ZC3H12B: variants seen among roughly 807,000 people sequenced by gnomAD.
ZC3H12B encodes the protein probable ribonuclease ZC3H12B.
In ZC3H12B, 7 loss-of-function variants were observed where a neutral mutation model predicts 43.9. The ratio of observed to expected loss-of-function variants is 0.16; its 90% CI spans 0.09 to 0.30. The LOEUF is 0.30. Among genes scored for constraint, ZC3H12B ranks in the 10% least tolerant of loss-of-function variants. ZC3H12B has a pLI of 1.00. For synonymous variants in ZC3H12B, 222 were observed against 241.7 expected, an observed-to-expected ratio of 0.92 and a Z score of 0.76; for missense variants, 475 against 670.2, an observed-to-expected ratio of 0.71 and a Z score of 3.22.
chrX:65,405,517 G>A (rs2066811334), intron 3 of ZC3H12B, among the ~76,000 whole-genome samples: 1 of 111,205 alleles, frequency 9.0e-6, no homozygotes, highest in African/African-American at 3.3e-5. Context: ...CTACTCTGCA[G>A]GCTGAGGCAA....
chrX:65,494,921 C>A (rs2068257834), intron 1 of ZC3H12B, among the ~76,000 whole-genome samples: 1 of 111,743 alleles, frequency 8.9e-6, no homozygotes, highest in African/African-American at 3.2e-5. Flanking sequence ...CACTGCAGAG[C>A]CAAATGAAAT....
chrX:65,316,817 G>T, the ZC3H12B span, among the ~76,000 whole-genome samples: 7 of 111,360 alleles, frequency 6.3e-5, no homozygotes, highest in Admixed American at 5.7e-4. Context: ...GAAAGTAAAA[G>T]GGCTAAATAA....
chrX:65,230,392 G>C, the ZC3H12B span, among the ~76,000 whole-genome samples: 1 of 109,085 alleles, frequency 9.2e-6, no homozygotes, highest in Non-Finnish European at 1.9e-5. Context: ...TGTGGGATGG[G>C]GGGAAGGGGG....
chrX:65,102,726 A>G, the ZC3H12B span, among the ~76,000 whole-genome samples: 1 of 111,946 alleles, frequency 8.9e-6, no homozygotes, highest in African/African-American at 3.2e-5. Flanking sequence ...CTTCTCAAGT[A>G]TCAGGGGAAC....
intron 3 of ZC3H12B, among the ~76,000 whole-genome samples, chrX:65,425,968 C>A (rs1437393017): frequency 1.8e-5 from 2 of 111,067 alleles, no homozygotes; most frequent in African/African-American, 6.5e-5. Flanking sequence ...ATGATGTTGA[C>A]CTCATAGAAT....
chrX:65,340,857 A>T, the ZC3H12B span, among the ~76,000 whole-genome samples: 1 of 112,248 alleles, frequency 8.9e-6, no homozygotes, highest in African/African-American at 3.2e-5. Flanking sequence ...ACAAGGCTGA[A>T]GTAGCTGAAA....
chrX:65,148,204 G>A, the ZC3H12B span, among the ~76,000 whole-genome samples: 1 of 110,935 alleles, frequency 9.0e-6, no homozygotes, highest in African/African-American at 3.3e-5. Context: ...GCTAAGGTGG[G>A]CCTGAAGTGT....
the ZC3H12B span, among the ~76,000 whole-genome samples, chrX:65,133,904 A>G: frequency 5.4e-4 from 60 of 111,101 alleles, no homozygotes; most frequent in African/African-American, 1.9e-3. Flanking sequence ...GCAGTCAGGC[A>G]CCTCAGACCC....
chrX:65,109,581 T>C, the ZC3H12B span, among the ~76,000 whole-genome samples: 1 of 111,949 alleles, frequency 8.9e-6, no homozygotes, highest in African/African-American at 3.2e-5. Flanking sequence ...CTACATGTAG[T>C]TTATCCATTC....
chrX:65,211,806 T>A, the ZC3H12B span, among the ~76,000 whole-genome samples: 1 of 80,949 alleles, frequency 1.2e-5, no homozygotes, highest in Non-Finnish European at 2.2e-5. Context: ...GTATACTATA[T>A]AATATATAAT....
chrX:65,322,758 T>C, the ZC3H12B span, among the ~76,000 whole-genome samples: 3 of 111,805 alleles, frequency 2.7e-5, no homozygotes, highest in Admixed American at 2.9e-4. Flanking sequence ...TTTAGAATTT[T>C]TTTTTCTGTT....
At chrX:65,392,035 G>A (rs944225215) in intron 2 of ZC3H12B, among the ~76,000 whole-genome samples, 9 of 111,750 alleles carry the variant, frequency 8.1e-5, no homozygotes, top group African/African-American at 2.3e-4. Context: ...CCGAGGTGCC[G>A]GGATTGCAGA....
At chrX:65,147,559 G>T in the ZC3H12B span, among the ~76,000 whole-genome samples, 1 of 111,393 alleles carries the variant, frequency 9.0e-6, no homozygotes, top group Middle Eastern at 4.7e-3. Flanking sequence ...GATTGACCTG[G>T]CCCCTAGGTC....
intron 3 of ZC3H12B, among the ~76,000 whole-genome samples, chrX:65,425,832 G>C (rs1190006350): frequency 9.0e-6 from 1 of 111,539 alleles, no homozygotes; most frequent in Non-Finnish European, 1.9e-5. Context: ...TGGTGGATAA[G>C]CTTTTTGATA....
At chrX:65,357,034 C>G in the ZC3H12B span, 1 of 575,363 alleles carries the variant, frequency 1.7e-6, no homozygotes, top group Non-Finnish European at 3.1e-6. Flanking sequence ...AATGAAAGTT[C>G]CACCTTGCTG....
At chrX:65,091,246 G>T in the ZC3H12B span, among the ~76,000 whole-genome samples, 1 of 111,870 alleles carries the variant, frequency 8.9e-6, no homozygotes, top group Non-Finnish European at 1.9e-5. Context: ...GATACTGATG[G>T]CTTTGAAGAT....
At chrX:65,298,196 A>C in the ZC3H12B span, among the ~76,000 whole-genome samples, 1 of 112,111 alleles carries the variant, frequency 8.9e-6, no homozygotes, top group Non-Finnish European at 1.9e-5. Context: ...AGAAACAATA[A>C]GCGGAGTAAA....
the ZC3H12B span, among the ~76,000 whole-genome samples, chrX:65,175,139 C>T: frequency 9.0e-6 from 1 of 111,437 alleles, no homozygotes; most frequent in African/African-American, 3.3e-5. Flanking sequence ...GACAGAGGTC[C>T]CTGGCTCCTT....
the ZC3H12B span, among the ~76,000 whole-genome samples, chrX:65,343,223 C>A: frequency 9.0e-6 from 1 of 111,037 alleles, no homozygotes; most frequent in Admixed American, 9.6e-5. Context: ...ACCATACTGA[C>A]TCAGTCAAGC....
Sources: allele counts gnomAD v4.1 joint callset (sites outside exome capture counted in the v4.1 genomes callset), GRCh38; gene constraint gnomAD v4.1.1; transcripts MANE v1.5; gene names NCBI Gene and HGNC (gene_info 2026-07-23, HGNC 2026-07-21).